Variants in CALN1 observed in about 807,000 individuals in gnomAD.
The protein encoded by CALN1 is calneuron 1.
Under a neutral mutation model 30.6 loss-of-function variants are expected in CALN1, and 17 were observed. That is an observed-to-expected ratio of 0.56 (90% CI 0.38 to 0.83). CALN1 has a LOEUF of 0.83. Among genes scored for constraint, CALN1 ranks in the 40% least tolerant of loss-of-function variants. The pLI is 0.00. For synonymous variants in CALN1, 156 were observed against 131.4 expected (o/e 1.19, Z -1.28); for missense variants, 291 against 354.9 (o/e 0.82, Z 1.45).
chr7:72,137,266 T>G lies in CALN1; in HGVS notation c.245-30972A>C, dbSNP rs544872955. Among the ~76,000 whole-genome samples the G allele has an allele frequency of 3.9e-5, 6 of 152,314 alleles. No individual in the cohort carries two copies. In the South Asian group the frequency reaches 1.0e-3, roughly 26 times the overall value. On this transcript the variant is annotated intron_variant, in intron 3 of 6. Transcript: ENST00000395275. ...TGGGATGTTTCTAGTTATGCTGACA[T>G]TAGCCATTAGGCTGATGTTTTGGGG... is the stretch of plus-strand genomic sequence containing the variant.
intron 4 of CALN1, among the ~76,000 whole-genome samples, chr7:72,028,211 CCAG>C (rs1801215299): frequency 2.6e-5 from 4 of 152,092 alleles, no homozygotes; most frequent in Admixed American, 2.6e-4. Flanking sequence ...CTTGCCAGCA[CCAG>C]GAGAACGAGG....
chr7:72,495,178 C>A, the CALN1 span, among the ~76,000 whole-genome samples: 2 of 152,154 alleles, frequency 1.3e-5, no homozygotes, highest in Admixed American at 1.3e-4. Context: ...ATTTTCCATT[C>A]CCATTTGAAG....
chr7:72,267,334 C>T (rs1198199663), intron 3 of CALN1, among the ~76,000 whole-genome samples: 1 of 152,156 alleles, frequency 6.6e-6, no homozygotes, highest in Non-Finnish European at 1.5e-5. Context: ...AGAAACCAGC[C>T]CCCCTCCTGG....
At chr7:71,896,084 C>T (rs1380148099) in intron 5 of CALN1, among the ~76,000 whole-genome samples, 1 of 152,190 alleles carries the variant, frequency 6.6e-6, no homozygotes, top group African/African-American at 2.4e-5. Flanking sequence ...CTGAATTCTA[C>T]AAAGGGCACC....
the CALN1 span, among the ~76,000 whole-genome samples, chr7:72,497,516 C>T: frequency 6.6e-6 from 1 of 152,166 alleles, no homozygotes; most frequent in Non-Finnish European, 1.5e-5. Flanking sequence ...ATAAATACTT[C>T]AAGATTTTTA....
intron 4 of CALN1, among the ~76,000 whole-genome samples, chr7:72,041,775 C>T (rs1802145109): frequency 2.0e-5 from 3 of 152,116 alleles, no homozygotes; most frequent in South Asian, 4.2e-4. Flanking sequence ...GTGGGTCTTT[C>T]TCGTGCTGTT....
chr7:72,035,558 GT>G (rs1435587039), intron 4 of CALN1, among the ~76,000 whole-genome samples: 1 of 151,956 alleles, frequency 6.6e-6, no homozygotes, highest in Non-Finnish European at 1.5e-5. Flanking sequence ...TTTGTGTGTA[GT>G]TGATCTTTTT....
chr7:71,976,212 C>A (rs1798095656), intron 5 of CALN1, among the ~76,000 whole-genome samples: 1 of 152,022 alleles, frequency 6.6e-6, no homozygotes, highest in Non-Finnish European at 1.5e-5. Context: ...GGGGGTAGAT[C>A]CCAAGGCTGG....
chr7:72,284,591 T>G (rs1797958507), intron 2 of CALN1, among the ~76,000 whole-genome samples: 1 of 152,164 alleles, frequency 6.6e-6, no homozygotes, highest in African/African-American at 2.4e-5. Flanking sequence ...AATTTGCTCT[T>G]CAAACTGTCT....
rs529998260 is a variant in CALN1 at position 71,871,084 on chromosome 7, G to A, written c.502-60592C>T. On this transcript the variant is annotated intron_variant, in intron 5 of 6. Transcript: ENST00000395275. Reference sequence around the variant, plus strand: ...AGAAAAAAAGGTAAGCAAAATTGCAGGGAGGCAGAGAGATTCTCAATCTAC... The same window carrying A: ...AGAAAAAAAGGTAAGCAAAATTGCAAGGAGGCAGAGAGATTCTCAATCTAC... 4.6e-5 allele frequency among the ~76,000 whole-genome samples: 7 copies of A among 152,252 alleles called. No individual in the cohort carries two copies. In the South Asian group the frequency reaches 1.4e-3, roughly 32 times the overall value.
At chr7:72,057,173 C>T (rs937790279) in intron 4 of CALN1, among the ~76,000 whole-genome samples, 14 of 152,012 alleles carry the variant, frequency 9.2e-5, no homozygotes, top group Non-Finnish European at 4.4e-5. Context: ...TCTTGAACGC[C>T]CGGCCTGAAG....
chr7:72,233,897 A>G (rs1794283616), intron 3 of CALN1, among the ~76,000 whole-genome samples: 1 of 152,086 alleles, frequency 6.6e-6, no homozygotes. Flanking sequence ...CCAGCTACTC[A>G]GGAGGCTGAG....
At chr7:72,339,088 G>A (rs377295012) in intron 2 of CALN1, among the ~76,000 whole-genome samples, 29 of 151,602 alleles carry the variant, frequency 1.9e-4, no homozygotes, top group African/African-American at 5.6e-4. Context: ...TTTCTGTGCC[G>A]GGTTTATTTT....
intron 1 of CALN1, among the ~76,000 whole-genome samples, chr7:72,423,358 T>C (rs1807678397): frequency 6.6e-6 from 1 of 152,214 alleles, no homozygotes; most frequent in African/African-American, 2.4e-5. Flanking sequence ...ATTTTACTTT[T>C]CTGAGTAGCA....
intron 5 of CALN1, among the ~76,000 whole-genome samples, chr7:71,990,861 T>C (rs1798910848): frequency 6.6e-6 from 1 of 152,140 alleles, no homozygotes; most frequent in South Asian, 2.1e-4. Context: ...CCAAGAACCA[T>C]CTCTTTGGGG....
intron 5 of CALN1, among the ~76,000 whole-genome samples, chr7:71,928,602 C>T (rs376669448): frequency 6.6e-6 from 1 of 152,094 alleles, no homozygotes; most frequent in Non-Finnish European, 1.5e-5. Flanking sequence ...ACTTTTGCAC[C>T]AATGTAATAG....
chr7:72,282,482 A>G (rs1490082795), intron 2 of CALN1, among the ~76,000 whole-genome samples: 1 of 152,160 alleles, frequency 6.6e-6, no homozygotes, highest in Non-Finnish European at 1.5e-5. Context: ...TAGGTCCATG[A>G]GGGCTCCTCC....
At chr7:71,902,267 AT>A (rs113051532) in intron 5 of CALN1, among the ~76,000 whole-genome samples, 51 of 71,452 alleles carry the variant, frequency 7.1e-4, no homozygotes, top group African/African-American at 3.8e-3. Context: ...CAACCAACCA[AT>A]CAAAAAAAAA....
chr7:71,876,849 T>C (rs1046327433), intron 5 of CALN1, among the ~76,000 whole-genome samples: 1 of 152,238 alleles, frequency 6.6e-6, no homozygotes, highest in Non-Finnish European at 1.5e-5. Flanking sequence ...ACATTATTAC[T>C]GTTATCAATG....
Sources: allele counts gnomAD v4.1 joint callset (sites outside exome capture counted in the v4.1 genomes callset), GRCh38; gene constraint gnomAD v4.1.1; transcripts MANE v1.5; gene names NCBI Gene and HGNC (gene_info 2026-07-23, HGNC 2026-07-21).